ATXN1: variants seen among roughly 807,000 people sequenced by gnomAD.
The protein encoded by ATXN1 is ataxin 1, also known as ataxin-1.
A neutral mutation model predicts 56.4 loss-of-function variants in ATXN1; 8 were observed. That is an observed-to-expected ratio of 0.14 (90% CI 0.08 to 0.26). The LOEUF is 0.26. Among genes scored for constraint, ATXN1 ranks in the 10% least tolerant of loss-of-function variants. ATXN1 has a pLI of 1.00. For synonymous variants in ATXN1, 514 were observed against 494.6 expected (o/e 1.04, Z -0.52); for missense variants, 987 against 1,106.5 (o/e 0.89, Z 1.53).
intron 6 of ATXN1, among the ~76,000 whole-genome samples, chr6:16,352,301 CAGAA>C (rs977674188): frequency 1.9e-4 from 29 of 152,148 alleles, no homozygotes; most frequent in African/African-American, 7.0e-4. Flanking sequence ...AAGAACTTCA[CAGAA>C]AGCTCTCAAC....
intron 4 of ATXN1, among the ~76,000 whole-genome samples, chr6:16,546,025 G>C (rs1761808464): frequency 1.3e-5 from 2 of 152,216 alleles, no homozygotes; most frequent in South Asian, 4.1e-4. Context: ...ACAGACCAAA[G>C]CAAAGGGCTT....
intron 5 of ATXN1, among the ~76,000 whole-genome samples, chr6:16,513,109 C>T (rs1437458336): frequency 6.6e-6 from 1 of 152,202 alleles, no homozygotes; most frequent in Non-Finnish European, 1.5e-5. Flanking sequence ...ATCCCTTCTA[C>T]GCCAACAGAA....
chr6:16,445,084 T>C (rs746751630), intron 6 of ATXN1, among the ~76,000 whole-genome samples: 7 of 152,150 alleles, frequency 4.6e-5, no homozygotes, highest in Non-Finnish European at 1.0e-4. Flanking sequence ...AAAAGAGGTT[T>C]AGGAGACCGA....
chr6:16,499,944 A>G (rs1364083861), intron 5 of ATXN1, among the ~76,000 whole-genome samples: 1 of 152,164 alleles, frequency 6.6e-6, no homozygotes, highest in African/African-American at 2.4e-5. Context: ...ACCCACAGAG[A>G]TCCTTACTTA....
intron 2 of ATXN1, among the ~76,000 whole-genome samples, chr6:16,741,622 T>C (rs751102866): frequency 8.5e-5 from 13 of 152,214 alleles, no homozygotes; most frequent in Non-Finnish European, 1.5e-4. Context: ...TTTGGTCATT[T>C]ACACATATTA....
At chr6:16,641,466 G>T (rs1255935798) in intron 3 of ATXN1, among the ~76,000 whole-genome samples, 1 of 152,206 alleles carries the variant, frequency 6.6e-6, no homozygotes, top group Non-Finnish European at 1.5e-5. Context: ...AATCTACTCT[G>T]CCAGTGCTAT....
rs34230333 is a variant in ATXN1 at position 16,464,746 on chromosome 6, TAA to T, written c.-161+21224_-161+21225del. Reference sequence around the variant, plus strand: ...GGAAAAGGCAAAGCTACAGGGATAGTAAAAAAAAAAAAAAAAATCAGGGGTTT... The same window carrying T: ...GGAAAAGGCAAAGCTACAGGGATAGTAAAAAAAAAAAAAAATCAGGGGTTT... On this transcript the variant is annotated intron_variant, in intron 6 of 7. Coordinates refer to ENST00000436367, the MANE Select transcript of ATXN1 (RefSeq NM_001128164.2). 5.3e-3 allele frequency among the ~76,000 whole-genome samples: 739 copies of T among 139,940 alleles called. 2 individuals are homozygous for T. The highest frequency in any genetic ancestry group is 8.3e-3 in the African/African-American group (310 of 37,498). 91.8% of individuals were successfully genotyped at this position (139,940 alleles called of 152,430 possible).
chr6:16,429,208 T>C (rs1489184362), intron 6 of ATXN1, among the ~76,000 whole-genome samples: 1 of 151,952 alleles, frequency 6.6e-6, no homozygotes, highest in African/African-American at 2.4e-5. Flanking sequence ...ACCCTAAATT[T>C]AAATTCTCTG....
intron 6 of ATXN1, among the ~76,000 whole-genome samples, chr6:16,366,730 G>A (rs141307800): frequency 0.02 from 2,444 of 125,056 alleles, 40 homozygotes; most frequent in Non-Finnish European, 0.026. Context: ...GCAGTGAGCC[G>A]AGACTACACC....
intron 6 of ATXN1, among the ~76,000 whole-genome samples, chr6:16,345,124 G>C (rs1761348590): frequency 6.6e-6 from 1 of 152,184 alleles, no homozygotes; most frequent in Admixed American, 6.5e-5. Flanking sequence ...TCATTTTCTA[G>C]ATTTTGGATG....
intron 3 of ATXN1, among the ~76,000 whole-genome samples, chr6:16,604,105 A>T (rs1219486857): frequency 1.3e-5 from 2 of 152,016 alleles, no homozygotes; most frequent in Admixed American, 1.3e-4. Flanking sequence ...TAAAGGGGGG[A>T]TTCCTCAAGG....
At chr6:16,676,955 T>C (rs1436895278) in intron 2 of ATXN1, among the ~76,000 whole-genome samples, 1 of 152,240 alleles carries the variant, frequency 6.6e-6, no homozygotes, top group Non-Finnish European at 1.5e-5. Flanking sequence ...CTGTATTTTG[T>C]AGCCTTTCAG....
chr6:16,741,670 T>C (rs1760343942), intron 2 of ATXN1, among the ~76,000 whole-genome samples: 1 of 152,196 alleles, frequency 6.6e-6, no homozygotes, highest in African/African-American at 2.4e-5. Context: ...TGATATGAAC[T>C]GTGTCATGGA....
chr6:16,712,490 C>T (rs1759546699), intron 2 of ATXN1, among the ~76,000 whole-genome samples: 1 of 152,038 alleles, frequency 6.6e-6, no homozygotes, highest in Non-Finnish European at 1.5e-5. Flanking sequence ...AGGTATACAC[C>T]AAACAGGAAG....
chr6:16,695,794 A>T (rs1315369075), intron 2 of ATXN1, among the ~76,000 whole-genome samples: 1 of 152,148 alleles, frequency 6.6e-6, no homozygotes, highest in East Asian at 1.9e-4. Flanking sequence ...CCCTGTCTTT[A>T]CAAAAAATAA....
chr6:16,313,967 T>C (rs985626341), intron 7 of ATXN1, among the ~76,000 whole-genome samples: 4 of 152,224 alleles, frequency 2.6e-5, no homozygotes, highest in African/African-American at 9.6e-5. Context: ...CTGCCTTTGC[T>C]TCCTACCAAA....
chr6:16,528,899 C>T (rs938247751), intron 4 of ATXN1, among the ~76,000 whole-genome samples: 3 of 152,122 alleles, frequency 2.0e-5, no homozygotes, highest in Admixed American at 6.5e-5. Flanking sequence ...GCACTTGCAG[C>T]CGGGCACAGT....
At chr6:16,368,808 C>T (rs1761981849) in intron 6 of ATXN1, among the ~76,000 whole-genome samples, 1 of 152,194 alleles carries the variant, frequency 6.6e-6, no homozygotes, top group African/African-American at 2.4e-5. Flanking sequence ...GTACATAAAT[C>T]TACAAAACTA....
At position 16,301,623 on chromosome 6, in the gene ATXN1, T is replaced by G. The variant is rs1760102192; in HGVS notation, c.*4706A>C. 1.3e-5 allele frequency: 2 copies of G among 152,546 alleles called. No individual in the cohort carries two copies. Among genetic ancestry groups the G allele is most frequent in the Non-Finnish European group, 2.9e-5 (2 of 68,022 alleles). 9.4% of individuals were successfully genotyped at this position (152,546 alleles called of 1,614,324 possible). A position where few individuals can be genotyped will look rare whatever the true frequency, so the allele number is the denominator to read the frequency against. Reference sequence around the variant, plus strand: ...AAAAAAAAAGTGTAATTCTCTCCTTTCACATCACCACCGAAGAAACCGAAT... The same window carrying G: ...AAAAAAAAAGTGTAATTCTCTCCTTGCACATCACCACCGAAGAAACCGAAT... On this transcript the variant is annotated 3_prime_UTR_variant, in exon 8 of 8. Coordinates refer to ENST00000436367, the MANE Select transcript of ATXN1 (RefSeq NM_001128164.2).
Sources: allele counts gnomAD v4.1 joint callset (sites outside exome capture counted in the v4.1 genomes callset), GRCh38; gene constraint gnomAD v4.1.1; transcripts MANE v1.5; gene names NCBI Gene and HGNC (gene_info 2026-07-23, HGNC 2026-07-21).